Variants in ANKRD11 observed in about 807,000 individuals in gnomAD.
ANKRD11 encodes the protein ankyrin repeat domain-containing protein 11.
A neutral mutation model predicts 195.7 loss-of-function variants in ANKRD11; 17 were observed. The ratio of observed to expected loss-of-function variants is 0.09; its 90% CI spans 0.06 to 0.13. ANKRD11 has a LOEUF of 0.13. ANKRD11 is among the 10% of genes least tolerant of loss of function. The probability of loss-of-function intolerance (pLI) is 1.00; values close to 1 mark genes in which losing one functional copy is unlikely to be tolerated. For synonymous variants in ANKRD11, 1,953 were observed against 1,528.1 expected (o/e 1.28, Z -6.49); for missense variants, 3,735 against 3,566.1 (o/e 1.05, Z -1.21).
In ANKRD11 at chr16:89,280,215, C is replaced by A; in HGVS notation, c.6327G>T (p.Leu2109=). The A allele has an allele frequency of 6.2e-7, 1 of 1,607,932 alleles. No homozygotes were observed. Among genetic ancestry groups the A allele is most frequent in the Non-Finnish European group, 8.5e-7 (1 of 1,179,236 alleles). ...CCGGCTCCACCTGGCCGAGGTGAGA[C>A]AGGCCGCGGCTGCCGTCCAGGAAGC... ...ENSFLDGSRG[L]SHLGQVEPVP... is the part of the protein sequence containing the mutation. The change falls in exon 9 of 13, where the codon CTG becomes CTT. Residue 2109 remains leucine (L), a synonymous_variant. Coordinates refer to ENST00000301030, the MANE Select transcript of ANKRD11 (RefSeq NM_013275.6).
At chr16:89,271,165 C>T in intron 11 of ANKRD11, 3 of 536,478 alleles carry the variant, frequency 5.6e-6, no homozygotes, top group South Asian at 1.9e-5. Context: ...GCAGGCCCCA[C>T]CTGTGAGCCG....
At chr16:89,364,991 T>C (rs1391083858) in intron 2 of ANKRD11, among the ~76,000 whole-genome samples, 2 of 152,236 alleles carry the variant, frequency 1.3e-5, no homozygotes, top group East Asian at 3.9e-4. Context: ...GAAATCACAT[T>C]CTAAGACGCT....
intron 2 of ANKRD11, among the ~76,000 whole-genome samples, chr16:89,342,240 G>A (rs2038725848): frequency 6.6e-6 from 1 of 152,244 alleles, no homozygotes; most frequent in South Asian, 2.1e-4. Context: ...CAACTGCCTG[G>A]GCAAAGGTTC....
intron 2 of ANKRD11, chr16:89,324,766 C>G (rs567882759): frequency 6.5e-6 from 2 of 307,362 alleles, no homozygotes; most frequent in Non-Finnish European, 1.3e-5. Context: ...CCTTCGGCCA[C>G]AGACTGAAAG....
In ANKRD11 at chr16:89,282,503, T is replaced by C; in HGVS notation, c.4039A>G (p.Lys1347Glu). ...GATGAGGAGTGTCTGTGCCTCTCCT[T>C]CTCTTTCAGCTTCTCAGGGAGGCAG... is the stretch of plus-strand genomic sequence containing the variant. ...SACLPEKLKEKERHRHSSSSS... is the reference protein window; with the variant it reads ...SACLPEKLKEEERHRHSSSSS... Residue 1347 changes from lysine to glutamate, a missense_variant, in exon 9 of 13, where the codon AAG becomes GAG. Physicochemically the swap from Lys to Glu is moderately conservative, Grantham distance 56. Coordinates refer to ENST00000301030, the MANE Select transcript of ANKRD11 (RefSeq NM_013275.6). The C allele has an allele frequency of 3.1e-6, 5 of 1,614,010 alleles. No individual in the cohort carries two copies. Among genetic ancestry groups the C allele is most frequent in the Non-Finnish European group, 4.2e-6 (5 of 1,179,968 alleles).
At chr16:89,295,984 C>CTTTTTTTT (rs1567600671) in intron 4 of ANKRD11, among the ~76,000 whole-genome samples, 2 of 18,232 alleles carry the variant, frequency 1.1e-4, no homozygotes, top group Admixed American at 3.6e-4. Context: ...TATCTGGCTG[C>CTTTTTTTT]CTTTTTTTTT....
chr16:89,359,109 T>C lies in ANKRD11; in HGVS notation c.-59-42031A>G, dbSNP rs1036769513. 2.6e-5 allele frequency among the ~76,000 whole-genome samples: 4 copies of C among 152,184 alleles called. No homozygotes were observed. In the South Asian group the frequency reaches 8.3e-4, roughly 31 times the overall value. ...CTTCAAATTTTAATATTCCAAAATA[T>C]ATAAAACATCATTGTCACTGTCCTC... On this transcript the variant is annotated intron_variant, in intron 2 of 12. Coordinates refer to ENST00000301030, the MANE Select transcript of ANKRD11 (RefSeq NM_013275.6).
intron 1 of ANKRD11, among the ~76,000 whole-genome samples, chr16:89,444,489 GT>G (rs1283449760): frequency 6.6e-6 from 1 of 152,138 alleles, no homozygotes; most frequent in Non-Finnish European, 1.5e-5. Context: ...GGGGGGTTGT[GT>G]AGGGTTTGCC....
intron 2 of ANKRD11, among the ~76,000 whole-genome samples, chr16:89,346,397 A>G (rs2038943915): frequency 6.6e-6 from 1 of 152,230 alleles, no homozygotes; most frequent in South Asian, 2.1e-4. Context: ...AGCAAGACCA[A>G]GCTGGAGCTA....
intron 2 of ANKRD11, among the ~76,000 whole-genome samples, chr16:89,360,282 G>A (rs2039676081): frequency 6.6e-6 from 1 of 152,078 alleles, no homozygotes; most frequent in South Asian, 2.1e-4. Flanking sequence ...TTTGTATTAG[G>A]GATGGGGCTT....
At chr16:89,435,899 A>G (rs905567056) in intron 1 of ANKRD11, among the ~76,000 whole-genome samples, 7 of 151,818 alleles carry the variant, frequency 4.6e-5, no homozygotes, top group African/African-American at 1.7e-4. Flanking sequence ...CATTCAGTTC[A>G]ATGTGCTGGT....
intron 2 of ANKRD11, among the ~76,000 whole-genome samples, chr16:89,317,886 A>C (rs918854603): frequency 6.6e-6 from 1 of 152,098 alleles, no homozygotes; most frequent in African/African-American, 2.4e-5. Flanking sequence ...CATGCAACCC[A>C]ATCACCTTCT....
At chr16:89,435,921 C>T (rs1006311247) in intron 1 of ANKRD11, among the ~76,000 whole-genome samples, 1 of 152,256 alleles carries the variant, frequency 6.6e-6, no homozygotes, top group African/African-American at 2.4e-5. Flanking sequence ...CCGCCCATCA[C>T]CTCTAAATCA....
At chr16:89,374,470 C>T (rs530306144) in intron 2 of ANKRD11, among the ~76,000 whole-genome samples, 1 of 152,322 alleles carries the variant, frequency 6.6e-6, no homozygotes, top group South Asian at 2.1e-4. Context: ...TACCACTAAT[C>T]GGCCCAGTAC....
chr16:89,342,508 C>G (rs577687740), intron 2 of ANKRD11, among the ~76,000 whole-genome samples: 1 of 152,222 alleles, frequency 6.6e-6, no homozygotes, highest in Non-Finnish European at 1.5e-5. Context: ...GAGAGGCCAG[C>G]GTGAACTCGC....
At chr16:89,359,188 G>A (rs539157498) in intron 2 of ANKRD11, among the ~76,000 whole-genome samples, 5 of 152,148 alleles carry the variant, frequency 3.3e-5, no homozygotes, top group Admixed American at 2.0e-4. Flanking sequence ...ACAAGATCAC[G>A]GAAATGCGAT....
At chr16:89,424,461 A>G (rs1260444755) in intron 1 of ANKRD11, among the ~76,000 whole-genome samples, 1 of 150,670 alleles carries the variant, frequency 6.6e-6, no homozygotes, top group African/African-American at 2.4e-5. Flanking sequence ...AAAGAGAGAG[A>G]AAGAAAAAAG....
At chr16:89,305,656 GAC>G (rs1179355898) in intron 3 of ANKRD11, among the ~76,000 whole-genome samples, 5 of 149,144 alleles carry the variant, frequency 3.4e-5, no homozygotes, top group Admixed American at 3.3e-4. Flanking sequence ...TCACTCCGCA[GAC>G]ACGCGCTACC....
chr16:89,279,816 C>T lies in ANKRD11; in HGVS notation c.6726G>A (p.Ala2242=), dbSNP rs1289262694. 3.2e-6 allele frequency: 5 copies of T among 1,542,924 alleles called. No homozygotes were observed. The highest frequency in any genetic ancestry group is 4.9e-5 in the East Asian group (2 of 40,982). The change falls in exon 9 of 13, where the codon GCG becomes GCA. Residue 2242 remains alanine (A), a synonymous_variant. Coordinates refer to ENST00000301030, the MANE Select transcript of ANKRD11 (RefSeq NM_013275.6). The surrounding 1 kb of genome is among the most constrained non-coding windows in gnomAD (Gnocchi z 5.6). The part of the protein sequence containing the change: ...RGDPDSSVEP[A]PVPPEQRPLG... ...GTGGGCGCTGTTCTGGGGGAACGGG[C>T]GCGGGCTCCACGCTGGAGTCCGGAT...
Sources: allele counts gnomAD v4.1 joint callset (sites outside exome capture counted in the v4.1 genomes callset), GRCh38; gene constraint gnomAD v4.1.1; non-coding constraint Gnocchi (gnomAD v3.1); transcripts MANE v1.5; gene names NCBI Gene and HGNC (gene_info 2026-07-23, HGNC 2026-07-21).